The following CCDC6 variants were observed in gnomAD, a reference collection of about 807,000 sequenced individuals.
CCDC6 encodes coiled-coil domain containing 6.
Under a neutral mutation model 56.6 loss-of-function variants are expected in CCDC6, and 20 were observed. The ratio of observed to expected loss-of-function variants is 0.35; its 90% CI spans 0.25 to 0.51. CCDC6 has a LOEUF of 0.51. CCDC6 is among the 20% of genes least tolerant of loss of function. The pLI, the probability that CCDC6 is intolerant of heterozygous loss-of-function variation, is 0.95. For missense variants in CCDC6, 367 were observed against 601.1 expected (o/e 0.61, Z 4.07); for synonymous variants, 241 against 234.4 (o/e 1.03, Z -0.26).
chr10:59,812,482 A>G lies in CCDC6; in HGVS notation c.847+153T>C, dbSNP rs552683921. On this transcript the variant is annotated intron_variant, in intron 5 of 8. Transcript: ENST00000263102. ...AACACTCAAAAAAAAAAAAAATTCC[A>G]TTCCAGGATGATGAACTTAAGTAAA... Among the ~76,000 whole-genome samples, 69 of 151,790 alleles carry G rather than the reference A, an allele frequency of 4.5e-4. No individual in the cohort carries two copies. In the South Asian group the frequency reaches 0.014, roughly 31 times the overall value.
intron 1 of CCDC6, among the ~76,000 whole-genome samples, chr10:59,870,286 G>A (rs1031735002): frequency 1.1e-4 from 16 of 152,110 alleles, no homozygotes; most frequent in African/African-American, 3.6e-4. Flanking sequence ...GCCTCTGCTG[G>A]TTAACTGAAG....
In CCDC6 at chr10:59,807,088, C is replaced by G. The variant is rs1564738612; in HGVS notation, c.848-10G>C. On this transcript the variant is annotated splice_polypyrimidine_tract_variant and intron_variant, in intron 5 of 8. Coordinates refer to ENST00000263102, the MANE Select transcript of CCDC6 (RefSeq NM_005436.5). ...GCCATTTTCTCTGAATCTGAAAAGT[C>G]AGAGTTTTCAATTAAACCATGTTTC... 1 of 1,612,000 alleles carries G rather than the reference C, an allele frequency of 6.2e-7. No homozygotes were observed. The highest frequency in any genetic ancestry group is 2.2e-5 in the East Asian group (1 of 44,874).
chr10:59,825,182 G>T (rs1463957905), intron 3 of CCDC6, among the ~76,000 whole-genome samples: 1 of 152,224 alleles, frequency 6.6e-6, no homozygotes, highest in Non-Finnish European at 1.5e-5. Flanking sequence ...ATCTTGAATT[G>T]TACTCCCATA....
chr10:59,899,464 C>T (rs1161330404), intron 1 of CCDC6, among the ~76,000 whole-genome samples: 1 of 152,226 alleles, frequency 6.6e-6, no homozygotes, highest in East Asian at 1.9e-4. Context: ...AAAACACACA[C>T]ACACAAATAC....
At chr10:59,839,712 T>G (rs1437822516) in intron 2 of CCDC6, among the ~76,000 whole-genome samples, 2 of 152,254 alleles carry the variant, frequency 1.3e-5, no homozygotes, top group Non-Finnish European at 2.9e-5. Flanking sequence ...ATCCAGCTTC[T>G]TCTGCTAAAT....
chr10:59,899,326 G>A (rs2071487111), intron 1 of CCDC6, among the ~76,000 whole-genome samples: 2 of 152,088 alleles, frequency 1.3e-5, no homozygotes, highest in Non-Finnish European at 2.9e-5. Flanking sequence ...ACCCACTAAG[G>A]AAAAAAAGTA....
At position 59,832,929 on chromosome 10, in the gene CCDC6, A is replaced by T. The variant is rs1030501958; in HGVS notation, c.454-276T>A. Among the ~76,000 whole-genome samples the T allele has an allele frequency of 7.0e-4, 107 of 152,226 alleles. 1 individual carries two copies. The highest frequency in any genetic ancestry group is 1.1e-3 in the Non-Finnish European group (75 of 68,044). ...ACTATAGGCATACAAATAAATTTTT[A>T]AAAAATAGAAATTTCATACCAATTT... On this transcript the variant is annotated intron_variant, in intron 2 of 8. Coordinates refer to ENST00000263102, the MANE Select transcript of CCDC6 (RefSeq NM_005436.5).
At chr10:59,818,546 A>G (rs1405902264) in intron 3 of CCDC6, among the ~76,000 whole-genome samples, 3 of 145,672 alleles carry the variant, frequency 2.1e-5, no homozygotes, top group African/African-American at 5.2e-5. Context: ...TGTAGGGTTC[A>G]CATGTTCTCC....
In CCDC6 at chr10:59,903,518, G is replaced by T. The variant is rs182605007; in HGVS notation, c.303+2604C>A. Among the ~76,000 whole-genome samples the T allele has an allele frequency of 5.1e-3, 784 of 152,234 alleles. 4 individuals carry two copies. The highest frequency in any genetic ancestry group is 8.2e-3 in the Non-Finnish European group (556 of 68,004). On this transcript the variant is annotated intron_variant, in intron 1 of 8. Coordinates refer to ENST00000263102, the MANE Select transcript of CCDC6 (RefSeq NM_005436.5). ...AAAAAAAGAGCCCGGCTCTTCCCCA[G>T]GGTGTGGCAAAAAGGCAATGTGTCT...
intron 2 of CCDC6, among the ~76,000 whole-genome samples, chr10:59,850,851 A>G (rs1371305477): frequency 1.3e-5 from 2 of 152,150 alleles, no homozygotes; most frequent in Non-Finnish European, 2.9e-5. Flanking sequence ...ACAACTATAA[A>G]TAACTTCCTT....
rs1489010769 is a variant in CCDC6, at chr10:59,789,483, C to A, written c.*3434G>T. 2.6e-5 allele frequency: 6 copies of A among 232,300 alleles called. No individual in the cohort carries two copies. The Admixed American group carries it at 3.4e-4, about 13-fold the overall frequency. 14.4% of individuals were successfully genotyped at this position (232,300 alleles called of 1,614,324 possible). ...CCTAAAAAACAAAGAAAAAAACAAA[C>A]AAAAAATCACCAAAAACCTAGAAAC... On this transcript the variant is annotated 3_prime_UTR_variant, in exon 9 of 9. Transcript: ENST00000263102.
At chr10:59,829,278 CAA>C (rs2070815213) in intron 3 of CCDC6, among the ~76,000 whole-genome samples, 1 of 152,192 alleles carries the variant, frequency 6.6e-6, no homozygotes, top group Non-Finnish European at 1.5e-5. Flanking sequence ...GTGACCAACT[CAA>C]ATCTCTGGCA....
intron 3 of CCDC6, among the ~76,000 whole-genome samples, chr10:59,820,272 G>C (rs900349539): frequency 6.6e-6 from 1 of 152,150 alleles, no homozygotes; most frequent in Non-Finnish European, 1.5e-5. Context: ...AAAAAAAGCC[G>C]GATGAGAACT....
intron 2 of CCDC6, among the ~76,000 whole-genome samples, chr10:59,844,181 A>G (rs546459942): frequency 2.0e-5 from 3 of 152,308 alleles, no homozygotes; most frequent in Non-Finnish European, 2.9e-5. Flanking sequence ...TATAACTTTT[A>G]TAAAGAGAAA....
chr10:59,868,633 T>C (rs897582634), intron 1 of CCDC6, among the ~76,000 whole-genome samples: 15 of 152,324 alleles, frequency 9.8e-5, no homozygotes, highest in Admixed American at 3.3e-4. Context: ...ACTTTATTCT[T>C]CACGCTTTCC....
intron 1 of CCDC6, among the ~76,000 whole-genome samples, chr10:59,859,449 T>A (rs2071109134): frequency 6.6e-6 from 1 of 152,134 alleles, no homozygotes; most frequent in Admixed American, 6.6e-5. Context: ...CAAAATATGA[T>A]GAATGAGCAG....
At position 59,867,415 on chromosome 10, in the gene CCDC6, A is replaced by C. The variant is rs562479020; in HGVS notation, c.304-14713T>G. On this transcript the variant is annotated intron_variant, in intron 1 of 8. Coordinates refer to ENST00000263102, the MANE Select transcript of CCDC6 (RefSeq NM_005436.5). ...AACATCAACATAGACCTTAAGTCTGATAAGAAACATTTATAATCTATTCTC... is the reference window on the plus strand; with the variant it reads ...AACATCAACATAGACCTTAAGTCTGCTAAGAAACATTTATAATCTATTCTC... 2.0e-5 allele frequency among the ~76,000 whole-genome samples: 3 copies of C among 152,348 alleles called. No homozygotes were observed. The South Asian group carries it at 6.2e-4, about 32-fold the overall frequency.
At chr10:59,849,285 C>T (rs1275962401) in intron 2 of CCDC6, among the ~76,000 whole-genome samples, 4 of 152,102 alleles carry the variant, frequency 2.6e-5, no homozygotes, top group African/African-American at 9.7e-5. Context: ...TGTGTCTGTA[C>T]TGGATAGACA....
At chr10:59,900,537 C>G (rs1201754329) in intron 1 of CCDC6, among the ~76,000 whole-genome samples, 2 of 152,154 alleles carry the variant, frequency 1.3e-5, no homozygotes, top group Non-Finnish European at 1.5e-5. Flanking sequence ...GCAGGGCATT[C>G]CAATCATGCA....
Sources: allele counts gnomAD v4.1 joint callset (sites outside exome capture counted in the v4.1 genomes callset), GRCh38; gene constraint gnomAD v4.1.1; transcripts MANE v1.5; gene names NCBI Gene and HGNC (gene_info 2026-07-23, HGNC 2026-07-21).